The following RAP1GAP2 variants were observed in gnomAD, a reference collection of about 807,000 sequenced individuals.
RAP1GAP2 encodes the protein RAP1 GTPase activating protein 2, also known as rap1 GTPase-activating protein 2.
RAP1GAP2 carries 27 observed loss-of-function variants against 95.0 expected under a neutral mutation model. The observed-to-expected ratio is 0.28, with a 90% confidence interval of 0.21 to 0.39. RAP1GAP2 has a LOEUF of 0.39. RAP1GAP2 is among the 10% of genes least tolerant of loss of function. The pLI, the probability that RAP1GAP2 is intolerant of heterozygous loss-of-function variation, is 1.00. For missense variants in RAP1GAP2, 771 were observed against 970.0 expected, an observed-to-expected ratio of 0.79 and a Z score of 2.72; for synonymous variants, 373 against 380.9, an observed-to-expected ratio of 0.98 and a Z score of 0.24.
At chr17:2,785,707 C>A (rs1022877437) in intron 1 of RAP1GAP2, among the ~76,000 whole-genome samples, 3 of 152,014 alleles carry the variant, frequency 2.0e-5, no homozygotes, top group African/African-American at 7.3e-5. Context: ...GTTCTTAAGA[C>A]GCGAGTCTGC....
At position 2,990,364 on chromosome 17, in the gene RAP1GAP2, G is replaced by A. The variant is rs887238279; in HGVS notation, c.814-933G>A. 2.6e-5 allele frequency among the ~76,000 whole-genome samples: 4 copies of A among 152,158 alleles called. No homozygotes were observed. In the East Asian group the frequency reaches 5.8e-4, roughly 22 times the overall value. ...TCTGTTTAGCCTTTGGCACATGCCCGGGAGCAAAGTTGCCAGATCATATGG... is the reference window on the plus strand; with the variant it reads ...TCTGTTTAGCCTTTGGCACATGCCCAGGAGCAAAGTTGCCAGATCATATGG... On this transcript the variant is annotated intron_variant, in intron 11 of 24. Transcript: ENST00000254695.
chr17:2,793,153 ATT>A (rs200252910), upstream of RAP1GAP2, among the ~76,000 whole-genome samples: 1,324 of 138,860 alleles, frequency 9.5e-3, 24 homozygotes, highest in African/African-American at 0.033. Flanking sequence ...TTGCAACAGG[ATT>A]TTTTTTTTTT....
At chr17:2,975,843 C>T (rs191865137) in intron 8 of RAP1GAP2, among the ~76,000 whole-genome samples, 4 of 152,236 alleles carry the variant, frequency 2.6e-5, no homozygotes, top group South Asian at 2.1e-4. Context: ...TGTGCTCCCA[C>T]GTGGTGGAGT....
At chr17:2,757,931 G>A (rs2071175544) in intron 1 of RAP1GAP2, among the ~76,000 whole-genome samples, 1 of 151,498 alleles carries the variant, frequency 6.6e-6, no homozygotes, top group Non-Finnish European at 1.5e-5. Flanking sequence ...GTGGAGTGGC[G>A]CGATCTCGGC....
intron 1 of RAP1GAP2, 133 bp from the exon 2 acceptor site, chr17:2,800,382 G>A (rs1364754514): frequency 1.5e-6 from 2 of 1,323,614 alleles, no homozygotes; most frequent in Admixed American, 2.1e-5. Context: ...CGGAGAACTG[G>A]CCCCTTTAGC....
At chr17:2,876,075 C>T (rs1310942842) in intron 2 of RAP1GAP2, among the ~76,000 whole-genome samples, 3 of 151,626 alleles carry the variant, frequency 2.0e-5, no homozygotes, top group African/African-American at 7.3e-5. Flanking sequence ...GTGGCTGGGA[C>T]TACAGGCACC....
At chr17:3,012,626 AAAAAAC>A (rs1328035071) in intron 17 of RAP1GAP2, among the ~76,000 whole-genome samples, 112 of 150,908 alleles carry the variant, frequency 7.4e-4, no homozygotes, top group Non-Finnish European at 1.2e-3. Flanking sequence ...AAAAAAAAAA[AAAAAAC>A]AAACCTAAAG....
chr17:2,767,290 C>T (rs951363117), intron 1 of RAP1GAP2, among the ~76,000 whole-genome samples: 4 of 128,548 alleles, frequency 3.1e-5, no homozygotes, highest in Admixed American at 9.5e-5. Flanking sequence ...TGAACCCGGG[C>T]GGCAGAGGTT....
chr17:2,814,948 C>T (rs551578613), intron 2 of RAP1GAP2, among the ~76,000 whole-genome samples: 5 of 152,208 alleles, frequency 3.3e-5, no homozygotes, highest in Admixed American at 6.5e-5. Context: ...AGCTCGGGAA[C>T]GGGACTTGGG....
chr17:2,904,381 G>T lies in RAP1GAP2; in HGVS notation c.81-903G>T, dbSNP rs963634276. 6.6e-6 allele frequency among the ~76,000 whole-genome samples: 1 copy of T among 152,144 alleles called. No individual in the cohort carries two copies. Among genetic ancestry groups the T allele is most frequent in the African/African-American group, 2.4e-5 (1 of 41,436 alleles). On this transcript the variant is annotated intron_variant, in intron 2 of 24. Coordinates refer to ENST00000254695, the MANE Select transcript of RAP1GAP2 (RefSeq NM_015085.5). This position sits in a 1 kb window ranked among gnomAD's most constrained non-coding sequence, Gnocchi z 4.7. ...TGGAAAGTGGGGAGTGTGTGAGCGC[G>T]GCAAACTTGTCGCAGTCATGTTGCC... is the stretch of plus-strand genomic sequence containing the variant.
At chr17:2,818,999 C>CTGTCCACAT (rs1412244014) in intron 2 of RAP1GAP2, among the ~76,000 whole-genome samples, 1 of 151,832 alleles carries the variant, frequency 6.6e-6, no homozygotes, top group Non-Finnish European at 1.5e-5. Context: ...GCATGTGTGT[C>CTGTCCACAT]TGTCCACATG....
At chr17:2,826,147 A>ATTTTTTTTTTTTTTTTTTT (rs71150901) in intron 2 of RAP1GAP2, among the ~76,000 whole-genome samples, 2 of 108,864 alleles carry the variant, frequency 1.8e-5, no homozygotes, top group Non-Finnish European at 3.5e-5. Flanking sequence ...CGCCCAGCAA[A>ATTTTTTTTTTTTTTTTTTT]TTTTTTTTTT....
At chr17:2,817,912 C>CTGCAACCTCTGCTTCCCAGGTTCA (rs2070098341) in intron 2 of RAP1GAP2, among the ~76,000 whole-genome samples, 1 of 135,058 alleles carries the variant, frequency 7.4e-6, no homozygotes, top group African/African-American at 2.6e-5. Context: ...TCTCAGCTCA[C>CTGCAACCTCTGCTTCCCAGGTTCA]TGCAACCTCT....
At chr17:2,830,396 G>T (rs928675779) in intron 2 of RAP1GAP2, among the ~76,000 whole-genome samples, 2 of 149,754 alleles carry the variant, frequency 1.3e-5, no homozygotes, top group African/African-American at 4.9e-5. Flanking sequence ...CAGTCTGGGC[G>T]ACAGAGGAAA....
chr17:2,918,513 G>C (rs964062826), intron 3 of RAP1GAP2, among the ~76,000 whole-genome samples: 1 of 151,628 alleles, frequency 6.6e-6, no homozygotes, highest in African/African-American at 2.4e-5. Context: ...GCTGACATCT[G>C]CTTGGCTGTT....
chr17:2,952,878 C>T (rs889341871), intron 3 of RAP1GAP2, among the ~76,000 whole-genome samples: 3 of 151,962 alleles, frequency 2.0e-5, no homozygotes, highest in Admixed American at 6.6e-5. Context: ...GATCTCAGCT[C>T]ACTGCAGCCT....
intron 3 of RAP1GAP2, among the ~76,000 whole-genome samples, chr17:2,954,442 C>T (rs933927597): frequency 6.6e-6 from 1 of 151,988 alleles, no homozygotes; most frequent in Non-Finnish European, 1.5e-5. Flanking sequence ...ATTTTCCATT[C>T]TCTTGTGTAG....
chr17:2,967,699 AACCAG>A (rs2044676768), intron 8 of RAP1GAP2, among the ~76,000 whole-genome samples: 1 of 152,186 alleles, frequency 6.6e-6, no homozygotes, highest in Non-Finnish European at 1.5e-5. Context: ...CCAAATTGGA[AACCAG>A]ACATAAGAAA....
chr17:2,854,138 C>G, intron 2 of RAP1GAP2: 1 of 985,446 alleles, frequency 1.0e-6, no homozygotes, highest in African/African-American at 1.7e-5. Flanking sequence ...TCCCTCCGCT[C>G]TCCTGCTGCA....
Sources: allele counts gnomAD v4.1 joint callset (sites outside exome capture counted in the v4.1 genomes callset), GRCh38; gene constraint gnomAD v4.1.1; non-coding constraint Gnocchi (gnomAD v3.1); transcripts MANE v1.5; gene names NCBI Gene and HGNC (gene_info 2026-07-23, HGNC 2026-07-21).